The following HEATR5B variants were observed in gnomAD, a reference collection of about 807,000 sequenced individuals.
HEATR5B encodes HEAT repeat-containing protein 5B.
In HEATR5B, 156 loss-of-function variants were observed where a neutral mutation model predicts 224.1. The ratio of observed to expected loss-of-function variants is 0.70; its 90% CI spans 0.61 to 0.80. The LOEUF (loss-of-function observed/expected upper bound fraction) is 0.80. HEATR5B is among the 30% of genes least tolerant of loss of function. The pLI is 0.00. For synonymous variants in HEATR5B, 1,027 were observed against 893.0 expected (o/e 1.15, Z -2.68); for missense variants, 2,323 against 2,535.5 (o/e 0.92, Z 1.80).
chr2:36,996,186 G>A (rs1055698724), intron 33 of HEATR5B, among the ~76,000 whole-genome samples: 2 of 151,420 alleles, frequency 1.3e-5, no homozygotes, highest in African/African-American at 2.4e-5. Flanking sequence ...TCAGCCTCCT[G>A]AGTAGCTGGG....
At chr2:37,052,804 A>T (rs373431612) in intron 17 of HEATR5B, among the ~76,000 whole-genome samples, 15 of 152,374 alleles carry the variant, frequency 9.8e-5, no homozygotes, top group African/African-American at 3.6e-4. Flanking sequence ...ATCACTGGAC[A>T]AAGAGATGAT....
Position 37,057,398 on chromosome 2 carries a change from G to C in HEATR5B, c.2142C>G (p.Leu714=). 1 of 1,612,502 alleles carries C rather than the reference G, an allele frequency of 6.2e-7. No individual in the cohort carries two copies. Among genetic ancestry groups the C allele is most frequent in the Non-Finnish European group, 8.5e-7 (1 of 1,179,104 alleles). Residue 714 remains leucine (L), a synonymous_variant, in exon 15 of 36, where the codon CTC becomes CTG. Transcript: ENST00000233099. ...TATCATCATAATGGCAGAGGGATCT[G>C]AGGAGGGAAGTAGTTGTGTTGGCTG... ...DNSANTTTSL[L]RSLCHYDDSV...
At chr2:37,083,468 A>G (rs1309077882) in intron 1 of HEATR5B, 32 bp from the exon 2 acceptor site, 4 of 1,482,038 alleles carry the variant, frequency 2.7e-6, no homozygotes, top group Non-Finnish European at 3.7e-6. Flanking sequence ...AATACTTGTA[A>G]GTATTTTTTA....
At chr2:37,060,560 C>T (rs762148295) in intron 12 of HEATR5B, 21 bp downstream of exon 12, 2 of 1,593,842 alleles carry the variant, frequency 1.3e-6, no homozygotes, top group Non-Finnish European at 1.7e-6. Flanking sequence ...TATTGTGAAG[C>T]ACAATCCTTT....
chr2:37,083,885 C>A (rs908144197), intron 1 of HEATR5B, among the ~76,000 whole-genome samples: 2 of 152,238 alleles, frequency 1.3e-5, no homozygotes, highest in Non-Finnish European at 2.9e-5. Context: ...GGTCAAAACA[C>A]CCAGCACAGA....
intron 21 of HEATR5B, 136 bp from the exon 22 acceptor site, chr2:37,032,909 T>G (rs1189091400): frequency 1.4e-6 from 1 of 725,086 alleles, no homozygotes; most frequent in Admixed American, 3.3e-5. Flanking sequence ...AGACAGAGTT[T>G]TGCTCTTGTT....
At chr2:37,064,590 T>C (rs143913115) in intron 10 of HEATR5B, 150 bp downstream of exon 10, 2 of 699,274 alleles carry the variant, frequency 2.9e-6, no homozygotes, top group East Asian at 2.6e-5. Flanking sequence ...TATAATAGGG[T>C]CTGTTAACAC....
Position 37,007,103 on chromosome 2 carries a change from C to G in HEATR5B, c.4724G>C (p.Gly1575Ala). Residue 1575 changes from glycine (G) to alanine (A), a missense_variant, in exon 29 of 36, where the codon GGT (glycine) becomes GCT (alanine). Gly to Ala is a moderately conservative substitution (Grantham distance 60). Around this residue, in one of 12 missense-constraint regions of HEATR5B, gnomAD observed 844 missense variants for 812.9 expected, o/e 1.04. Coordinates refer to ENST00000233099, the MANE Select transcript of HEATR5B (RefSeq NM_019024.3). ...VNLNQASGAV[G>A]SAKSLPEINK... Reference sequence around the variant, plus strand: ...AATTTCTGGCAAAGATTTAGCACTACCCACTGCTCCTGATGCCTGGTTTAA... The same window carrying G: ...AATTTCTGGCAAAGATTTAGCACTAGCCACTGCTCCTGATGCCTGGTTTAA... The G allele has an allele frequency of 6.2e-7, 1 of 1,614,004 alleles. No homozygotes were observed. The highest frequency in any genetic ancestry group is 1.3e-5 in the African/African-American group (1 of 75,030).
intron 16 of HEATR5B, among the ~76,000 whole-genome samples, chr2:37,054,641 C>T (rs1397806401): frequency 6.6e-6 from 1 of 151,408 alleles, no homozygotes; most frequent in Non-Finnish European, 1.5e-5. Flanking sequence ...TTCGCCACTA[C>T]ACCCAGCTAA....
Position 37,065,805 on chromosome 2 carries a change from ACC to A in HEATR5B, c.1281_1282del (p.Val428AlafsTer77). The A allele has an allele frequency of 6.2e-7, 1 of 1,614,030 alleles. No individual in the cohort carries two copies. Among genetic ancestry groups the A allele is most frequent in the African/African-American group, 1.3e-5 (1 of 75,036 alleles). On this transcript the variant is annotated frameshift_variant, in exon 9 of 36. Transcript: ENST00000233099. LOFTEE classifies it high-confidence loss of function. ...GGATGCGGTGGCATTCAAGCTCTGC[ACC>A]AGGCTCCCGAGTTCCTGGAGGGCAC...
intron 25 of HEATR5B, 78 bp downstream of exon 25, chr2:37,020,577 T>TC: frequency 9.9e-7 from 1 of 1,013,144 alleles, no homozygotes; most frequent in Non-Finnish European, 1.4e-6. Flanking sequence ...CCAAATGCAG[T>TC]CCTCCAGGAA....
chr2:37,043,802 C>T (rs1350551284), intron 18 of HEATR5B, among the ~76,000 whole-genome samples: 1 of 152,138 alleles, frequency 6.6e-6, no homozygotes, highest in Admixed American at 6.5e-5. Flanking sequence ...TTATTTGTAT[C>T]TTTTCATCCT....
intron 35 of HEATR5B, among the ~76,000 whole-genome samples, chr2:36,983,305 G>A (rs755717245): frequency 1.3e-4 from 20 of 151,776 alleles, no homozygotes; most frequent in South Asian, 8.3e-4. Flanking sequence ...CAAGGTGGGC[G>A]GATCCCCTGG....
At chr2:37,029,936 AAAATAAATAAAT>A (rs150155666) in intron 22 of HEATR5B, among the ~76,000 whole-genome samples, 12 of 142,466 alleles carry the variant, frequency 8.4e-5, no homozygotes, top group South Asian at 4.5e-4. Flanking sequence ...TCTATCTCAA[AAAATAAATAAAT>A]AAATAAATAA....
In HEATR5B at chr2:37,064,732, C is replaced by A; in HGVS notation, c.1584+8G>T. 1.9e-6 allele frequency: 3 copies of A among 1,613,640 alleles called. No homozygotes were observed. The highest frequency in any genetic ancestry group is 3.3e-4 in the Middle Eastern group (2 of 6,040). On this transcript the variant is annotated splice_region_variant and intron_variant, in intron 10 of 35. Coordinates refer to ENST00000233099, the MANE Select transcript of HEATR5B (RefSeq NM_019024.3). Reference sequence around the variant, plus strand: ...ACAGCATTCCCAAGTCTAGGATCTCCGTCATACCTTTCCTTTGGCATGAGG... The same window carrying A: ...ACAGCATTCCCAAGTCTAGGATCTCAGTCATACCTTTCCTTTGGCATGAGG...
At chr2:37,044,531 C>A (rs984823156) in intron 18 of HEATR5B, among the ~76,000 whole-genome samples, 1 of 152,126 alleles carries the variant, frequency 6.6e-6, no homozygotes, top group East Asian at 1.9e-4. Context: ...TGGATACTTT[C>A]CAGTTTTTGG....
intron 3 of HEATR5B, among the ~76,000 whole-genome samples, 157 bp downstream of exon 3, chr2:37,078,963 T>G (rs1672389782): frequency 6.6e-6 from 1 of 152,156 alleles, no homozygotes; most frequent in African/African-American, 2.4e-5. Flanking sequence ...AATTTAACTA[T>G]CTTCCCATCA....
chr2:37,037,525 A>G (rs1436630269), intron 21 of HEATR5B, among the ~76,000 whole-genome samples: 1 of 152,208 alleles, frequency 6.6e-6, no homozygotes, highest in Non-Finnish European at 1.5e-5. Context: ...CAGTGAATAA[A>G]ATGAATTGTC....
At chr2:37,007,605 G>T (rs754107299) in intron 28 of HEATR5B, among the ~76,000 whole-genome samples, 1 of 152,030 alleles carries the variant, frequency 6.6e-6, no homozygotes. Flanking sequence ...AAAGTGCTGG[G>T]ATTACAGGCA....
Sources: allele counts gnomAD v4.1 joint callset (sites outside exome capture counted in the v4.1 genomes callset), GRCh38; gene constraint gnomAD v4.1.1; regional missense constraint gnomAD v4.1.1; transcripts MANE v1.5; gene names NCBI Gene and HGNC (gene_info 2026-07-23, HGNC 2026-07-21).